The following MLLT3 variants were observed in gnomAD, a reference collection of about 807,000 sequenced individuals.
MLLT3 encodes the protein protein AF-9.
MLLT3 carries 4 observed loss-of-function variants against 53.2 expected under a neutral mutation model. The observed-to-expected ratio is 0.08, with a 90% CI of 0.04 to 0.17. The LOEUF (loss-of-function observed/expected upper bound fraction) is 0.17. MLLT3 is among the 10% of genes least tolerant of loss of function. The pLI, the probability that MLLT3 is intolerant of heterozygous loss-of-function variation, is 1.00. For synonymous variants in MLLT3, 283 were observed against 230.6 expected (o/e 1.23, Z -2.06); for missense variants, 569 against 684.0 (o/e 0.83, Z 1.87).
intron 2 of MLLT3, among the ~76,000 whole-genome samples, chr9:20,540,248 GA>G (rs1483023696): frequency 6.6e-6 from 1 of 152,186 alleles, no homozygotes; most frequent in African/African-American, 2.4e-5. Context: ...GTCACTGGAG[GA>G]CGATGGCCCT....
At chr9:20,493,088 C>T (rs928624741) in intron 2 of MLLT3, among the ~76,000 whole-genome samples, 1 of 151,784 alleles carries the variant, frequency 6.6e-6, no homozygotes, top group Non-Finnish European at 1.5e-5. Context: ...CCTAATGGAT[C>T]ATGCCTACTT....
chr9:20,560,781 C>A (rs530534107), intron 2 of MLLT3, among the ~76,000 whole-genome samples: 2 of 152,034 alleles, frequency 1.3e-5, no homozygotes, highest in East Asian at 3.9e-4. Flanking sequence ...TATTATTTTT[C>A]TTTCATTGAT....
At chr9:20,497,808 C>A (rs1286606096) in intron 2 of MLLT3, among the ~76,000 whole-genome samples, 2 of 152,052 alleles carry the variant, frequency 1.3e-5, no homozygotes, top group African/African-American at 4.8e-5. Flanking sequence ...ACTTTCAATT[C>A]TCTTGGGTAA....
chr9:20,569,713 T>G (rs1819479847), intron 2 of MLLT3, among the ~76,000 whole-genome samples: 1 of 152,120 alleles, frequency 6.6e-6, no homozygotes, highest in African/African-American at 2.4e-5. Flanking sequence ...AAGAGACCAT[T>G]CCAAATCCCA....
intron 2 of MLLT3, among the ~76,000 whole-genome samples, chr9:20,608,553 G>A (rs544587684): frequency 4.6e-5 from 7 of 151,048 alleles, no homozygotes; most frequent in African/African-American, 1.5e-4. Context: ...AGGTAAGAAC[G>A]TTATCTACAT....
At chr9:20,376,418 C>T (rs544408423) in intron 5 of MLLT3, among the ~76,000 whole-genome samples, 45 of 152,252 alleles carry the variant, frequency 3.0e-4, no homozygotes, top group African/African-American at 1.0e-3. Flanking sequence ...AAACAGGAAA[C>T]GTCCTTATTT....
intron 4 of MLLT3, among the ~76,000 whole-genome samples, chr9:20,438,124 A>G (rs1033521982): frequency 1.3e-5 from 2 of 152,252 alleles, no homozygotes; most frequent in African/African-American, 4.8e-5. Flanking sequence ...CTTTGAAAGA[A>G]CATGACTATT....
At position 20,622,237 on chromosome 9, in the gene MLLT3, G is replaced by T. The variant is rs747272925; in HGVS notation, c.12+8C>A. 6.2e-7 allele frequency: 1 copy of T among 1,602,112 alleles called. No individual in the cohort carries two copies. On this transcript the variant is annotated splice_region_variant and intron_variant, in intron 1 of 10. Coordinates refer to ENST00000380338, the MANE Select transcript of MLLT3 (RefSeq NM_004529.4). ...AGGGCTTTTATTATTATTTTTGCGCGTACTTACCGAGCTAGCCATGCCTGG... is the reference window on the plus strand; with the variant it reads ...AGGGCTTTTATTATTATTTTTGCGCTTACTTACCGAGCTAGCCATGCCTGG...
chr9:20,409,035 G>A (rs1203159923), intron 5 of MLLT3, among the ~76,000 whole-genome samples: 1 of 152,150 alleles, frequency 6.6e-6, no homozygotes, highest in Non-Finnish European at 1.5e-5. Flanking sequence ...CCCTTGGTAA[G>A]CTCCAACTAT....
At chr9:20,496,766 T>C (rs1002211112) in intron 2 of MLLT3, among the ~76,000 whole-genome samples, 4 of 152,200 alleles carry the variant, frequency 2.6e-5, no homozygotes, top group Admixed American at 6.5e-5. Flanking sequence ...CAGTCCACTA[T>C]GCCAGTGGAT....
chr9:20,416,244 T>C (rs762872527), intron 4 of MLLT3, among the ~76,000 whole-genome samples: 1 of 152,044 alleles, frequency 6.6e-6, no homozygotes, highest in African/African-American at 2.4e-5. Flanking sequence ...GACTTACTGA[T>C]TTTTGAAAAT....
At chr9:20,366,650 A>G (rs1203992946) in intron 5 of MLLT3, among the ~76,000 whole-genome samples, 3 of 152,060 alleles carry the variant, frequency 2.0e-5, no homozygotes, top group African/African-American at 7.2e-5. Context: ...ACTAATTTAC[A>G]CTCCCACCAA....
intron 5 of MLLT3, among the ~76,000 whole-genome samples, chr9:20,404,590 G>C (rs1306718379): frequency 3.3e-5 from 5 of 152,164 alleles, no homozygotes; most frequent in African/African-American, 1.2e-4. Flanking sequence ...CTGCAGCCTA[G>C]AGCTCCTGAG....
intron 8 of MLLT3, among the ~76,000 whole-genome samples, chr9:20,355,272 T>C (rs1273030285): frequency 6.6e-6 from 1 of 152,194 alleles, no homozygotes; most frequent in African/African-American, 2.4e-5. Context: ...TGTTTCAGCA[T>C]GACTACTAGT....
chr9:20,360,715 T>C, intron 8 of MLLT3, 27 bp downstream of exon 8: 1 of 1,576,292 alleles, frequency 6.3e-7, no homozygotes, highest in Non-Finnish European at 8.7e-7. Context: ...CTGCAGAGTC[T>C]TGCAAAGTGC....
chr9:20,470,352 C>T (rs1174420674), intron 2 of MLLT3, among the ~76,000 whole-genome samples: 1 of 151,928 alleles, frequency 6.6e-6, no homozygotes, highest in Admixed American at 6.6e-5. Flanking sequence ...CATCAGACAA[C>T]AGGTTCATTT....
chr9:20,609,481 G>A (rs1001567172), intron 2 of MLLT3, among the ~76,000 whole-genome samples: 1 of 151,962 alleles, frequency 6.6e-6, no homozygotes, highest in African/African-American at 2.4e-5. Context: ...AAAAACACAA[G>A]TAATATCTGG....
intron 2 of MLLT3, among the ~76,000 whole-genome samples, chr9:20,503,025 T>C (rs995675209): frequency 6.6e-6 from 1 of 151,778 alleles, no homozygotes; most frequent in African/African-American, 2.4e-5. Context: ...CACCAGAAAC[T>C]ATAAAAGATT....
chr9:20,598,902 T>C lies in MLLT3; in HGVS notation c.193+21752A>G, dbSNP rs17758747. 0.013 allele frequency among the ~76,000 whole-genome samples: 1,946 copies of C among 152,344 alleles called. 65 individuals are homozygous for C. In the East Asian group the frequency reaches 0.14, roughly 11 times the overall value. On this transcript the variant is annotated intron_variant, in intron 2 of 10. Coordinates refer to ENST00000380338, the MANE Select transcript of MLLT3 (RefSeq NM_004529.4). ...AAACCCTATTCTGCTGCTTTAGGCT[T>C]CTGATTAGGTTAAGAAAGGGAAACA...
Sources: gnomAD v4.1 joint callset for allele counts (sites outside exome capture counted in the v4.1 genomes callset) on GRCh38, gnomAD v4.1.1 for gene constraint, MANE v1.5 for transcripts, NCBI Gene and HGNC (gene_info 2026-07-23, HGNC 2026-07-21) for gene names.